THADA: variants seen among roughly 807,000 people sequenced by gnomAD.
THADA encodes the protein THADA armadillo repeat containing.
In THADA, 213 loss-of-function variants were observed where a neutral mutation model predicts 219.8. The ratio of observed to expected loss-of-function variants is 0.97; its 90% CI spans 0.87 to 1.09. THADA has a LOEUF of 1.09. Ranked by LOEUF, THADA falls within the 50% of genes least tolerant of loss-of-function variation. The pLI is 0.00. For missense variants in THADA, 2,956 were observed against 2,311.3 expected, an observed-to-expected ratio of 1.28 and a Z score of -5.72; for synonymous variants, 1,018 against 828.9, an observed-to-expected ratio of 1.23 and a Z score of -3.92.
rs1203746199 is a variant in THADA, at chr2:43,572,889, C to G, written c.1833G>C (p.Gln611His). The change falls in exon 12 of 38, where the codon CAG becomes CAC. Residue 611 changes from glutamine (Q) to histidine (H), a missense_variant. Gln to His is a conservative substitution (Grantham distance 24, BLOSUM62 0). Coordinates refer to ENST00000405975, the MANE Select transcript of THADA (RefSeq NM_022065.5). ...GGTTCTCCCAGGTATCAGTTGCAGA[C>G]TGAAGATGTCCATGAGCTCTAGCTA... The part of the protein sequence containing the change: ...LRIARAHGHL[Q>H]SATDTWENLV... 4 of 1,613,844 alleles carry G rather than the reference C, an allele frequency of 2.5e-6. No homozygotes were observed. The highest frequency in any genetic ancestry group is 3.4e-6 in the Non-Finnish European group (4 of 1,179,876).
At chr2:43,512,904 C>T (rs1690677720) in intron 22 of THADA, among the ~76,000 whole-genome samples, 1 of 152,214 alleles carries the variant, frequency 6.6e-6, no homozygotes, top group Admixed American at 6.5e-5. Context: ...GGTACGACAC[C>T]AGGCTTTTCA....
intron 26 of THADA, among the ~76,000 whole-genome samples, chr2:43,436,839 T>A (rs868637148): frequency 6.6e-6 from 1 of 152,210 alleles, no homozygotes; most frequent in Admixed American, 6.5e-5. Flanking sequence ...ACTAAGTGTG[T>A]CCTTGGGACT....
At chr2:43,333,480 T>C (rs1458306554) in intron 30 of THADA, among the ~76,000 whole-genome samples, 3 of 144,864 alleles carry the variant, frequency 2.1e-5, no homozygotes, top group African/African-American at 5.1e-5. Flanking sequence ...AAAAAAAAAA[T>C]AACTTTTTCT....
chr2:43,323,795 C>A (rs887740574), intron 30 of THADA, among the ~76,000 whole-genome samples: 2 of 152,170 alleles, frequency 1.3e-5, no homozygotes, highest in African/African-American at 4.8e-5. Flanking sequence ...GTTATACTTC[C>A]AACCGGGCCA....
intron 26 of THADA, among the ~76,000 whole-genome samples, chr2:43,480,232 C>G (rs530352472): frequency 6.6e-6 from 1 of 152,184 alleles, no homozygotes; most frequent in Non-Finnish European, 1.5e-5. Flanking sequence ...CTGCCTACCT[C>G]GCAGAGCTGT....
intron 28 of THADA, among the ~76,000 whole-genome samples, chr2:43,412,185 G>C (rs2104762936): frequency 6.6e-6 from 1 of 152,210 alleles, no homozygotes; most frequent in South Asian, 2.1e-4. Context: ...TTCCGTTTGA[G>C]TTCAATCAAT....
chr2:43,480,765 T>C (rs1454363641), intron 26 of THADA, among the ~76,000 whole-genome samples: 5 of 150,448 alleles, frequency 3.3e-5, no homozygotes, highest in Non-Finnish European at 5.9e-5. Flanking sequence ...TTGCAGTGAG[T>C]TGAGATCCTG....
At chr2:43,412,788 C>A (rs764627365) in intron 28 of THADA, among the ~76,000 whole-genome samples, 38 of 152,156 alleles carry the variant, frequency 2.5e-4, no homozygotes, top group Non-Finnish European at 8.8e-5. Context: ...CTTTTCTTAC[C>A]TCTGAGAAGG....
At chr2:43,275,462 C>G (rs781209571) in intron 36 of THADA, among the ~76,000 whole-genome samples, 23 of 152,190 alleles carry the variant, frequency 1.5e-4, no homozygotes, top group Non-Finnish European at 3.2e-4. Context: ...AGCCATCCCC[C>G]TGCCTGCCCT....
intron 30 of THADA, among the ~76,000 whole-genome samples, chr2:43,324,537 CT>C (rs1679104393): frequency 6.6e-6 from 1 of 152,256 alleles, no homozygotes; most frequent in Admixed American, 6.5e-5. Context: ...TGACTCCACC[CT>C]TGAGGACAGC....
At chr2:43,540,958 A>C (rs1205407732) in intron 21 of THADA, among the ~76,000 whole-genome samples, 2 of 152,228 alleles carry the variant, frequency 1.3e-5, no homozygotes, top group African/African-American at 2.4e-5. Flanking sequence ...ATACCTTAGA[A>C]AAAATTTCTA....
intron 19 of THADA, among the ~76,000 whole-genome samples, chr2:43,549,570 A>T (rs1281320015): frequency 6.6e-6 from 1 of 152,206 alleles, no homozygotes. Flanking sequence ...ATGGCAATTT[A>T]GACTGAAATA....
chr2:43,275,036 C>T (rs1231446282), intron 36 of THADA, among the ~76,000 whole-genome samples: 1 of 139,928 alleles, frequency 7.1e-6, no homozygotes, highest in African/African-American at 2.7e-5. Context: ...ACTCTGTTGC[C>T]TAGGCTGGAG....
chr2:43,432,027 T>C (rs1313432832), intron 26 of THADA, among the ~76,000 whole-genome samples: 1 of 129,832 alleles, frequency 7.7e-6, no homozygotes, highest in African/African-American at 3.5e-5. Flanking sequence ...CGGCTAATTT[T>C]TTGTATTTTT....
At chr2:43,526,910 T>A (rs1172350081) in intron 22 of THADA, among the ~76,000 whole-genome samples, 2 of 149,808 alleles carry the variant, frequency 1.3e-5, no homozygotes, top group Non-Finnish European at 3.0e-5. Context: ...GTGTGTTGTG[T>A]TTTGAGGGAA....
At chr2:43,280,139 C>T (rs955829743) in intron 35 of THADA, among the ~76,000 whole-genome samples, 2 of 152,170 alleles carry the variant, frequency 1.3e-5, no homozygotes, top group African/African-American at 2.4e-5. Flanking sequence ...AGGCAACCAG[C>T]GCTAGGCAAG....
chr2:43,303,221 C>T (rs369236567), intron 31 of THADA, among the ~76,000 whole-genome samples: 3 of 152,254 alleles, frequency 2.0e-5, no homozygotes, highest in East Asian at 3.9e-4. Context: ...TCACACAATT[C>T]CTTTGGTAAT....
chr2:43,529,444 C>A (rs1367008052), intron 21 of THADA, among the ~76,000 whole-genome samples: 1 of 152,146 alleles, frequency 6.6e-6, no homozygotes, highest in Non-Finnish European at 1.5e-5. Flanking sequence ...CTCTTGGGCC[C>A]CAAGGAGTCC....
At chr2:43,317,811 G>C (rs984641852) in intron 31 of THADA, among the ~76,000 whole-genome samples, 3 of 152,058 alleles carry the variant, frequency 2.0e-5, no homozygotes, top group Non-Finnish European at 4.4e-5. Context: ...AATTCCCTGA[G>C]GACTGAATAA....
Sources: gnomAD v4.1 joint callset for allele counts (sites outside exome capture counted in the v4.1 genomes callset) on GRCh38, gnomAD v4.1.1 for gene constraint, MANE v1.5 for transcripts, NCBI Gene and HGNC (gene_info 2026-07-23, HGNC 2026-07-21) for gene names.